EXOC4: variants seen among roughly 807,000 people sequenced by gnomAD.
EXOC4 encodes the protein SEC8-like 1.
A neutral mutation model predicts 107.2 loss-of-function variants in EXOC4; 71 were observed. The observed-to-expected ratio is 0.66, with a 90% CI of 0.55 to 0.81. The LOEUF (loss-of-function observed/expected upper bound fraction) is 0.81, where lower values mean the gene tolerates loss of function less well. EXOC4 is among the 30% of genes least tolerant of loss of function. EXOC4 has a pLI of 0.00. For synonymous variants in EXOC4, 456 were observed against 441.2 expected (o/e 1.03, Z -0.42); for missense variants, 1,108 against 1,189.6 (o/e 0.93, Z 1.01).
At chr7:133,518,648 A>C (rs1799925644) in intron 9 of EXOC4, among the ~76,000 whole-genome samples, 1 of 152,204 alleles carries the variant, frequency 6.6e-6, no homozygotes, top group Admixed American at 6.5e-5. Context: ...ATAGCATAGA[A>C]TGTTACTCAG....
At chr7:134,066,889 A>C (rs1050475194), downstream of EXOC4, among the ~76,000 whole-genome samples, 3 of 152,148 alleles carry the variant, frequency 2.0e-5, no homozygotes, top group African/African-American at 7.2e-5. Flanking sequence ...ATGGTGGCTC[A>C]CACCTGTAAT....
chr7:133,480,022 T>C, intron 8 of EXOC4, 28 bp from the exon 9 acceptor site: 1 of 1,594,946 alleles, frequency 6.3e-7, no homozygotes, highest in Non-Finnish European at 8.6e-7. Context: ...TACACCTGCT[T>C]GTCTGTTTCC....
At chr7:133,621,263 T>A (rs1802323198) in intron 9 of EXOC4, among the ~76,000 whole-genome samples, 1 of 152,188 alleles carries the variant, frequency 6.6e-6, no homozygotes, top group Non-Finnish European at 1.5e-5. Flanking sequence ...GAAAGGTACT[T>A]TTTTTCTCTT....
chr7:133,308,816 T>G (rs1794808764), intron 4 of EXOC4, among the ~76,000 whole-genome samples: 1 of 152,198 alleles, frequency 6.6e-6, no homozygotes, highest in Non-Finnish European at 1.5e-5. Flanking sequence ...GTGATAGAGA[T>G]AATTATTTGC....
chr7:133,405,160 G>T (rs1273952039), intron 7 of EXOC4, among the ~76,000 whole-genome samples: 4 of 152,054 alleles, frequency 2.6e-5, no homozygotes, highest in Non-Finnish European at 5.9e-5. Flanking sequence ...AAATGTTGAG[G>T]TTATGGAAAG....
At chr7:133,860,225 G>A (rs1304472670) in intron 11 of EXOC4, among the ~76,000 whole-genome samples, 1 of 152,190 alleles carries the variant, frequency 6.6e-6, no homozygotes, top group Non-Finnish European at 1.5e-5. Flanking sequence ...TTAACTGTGT[G>A]AATCTGAAAT....
intron 9 of EXOC4, among the ~76,000 whole-genome samples, chr7:133,493,093 G>A (rs763158083): frequency 6.6e-5 from 10 of 152,150 alleles, no homozygotes; most frequent in Non-Finnish European, 8.8e-5. Flanking sequence ...TAGGGCCATA[G>A]TGATGACGAA....
chr7:133,727,592 A>G (rs983729545), intron 10 of EXOC4: 8 of 160,700 alleles, frequency 5.0e-5, no homozygotes, highest in Admixed American at 4.4e-4. Context: ...CAGTGCAGCC[A>G]TCATAACCTC....
chr7:133,380,779 T>C (rs1796601480), intron 7 of EXOC4, among the ~76,000 whole-genome samples: 1 of 152,186 alleles, frequency 6.6e-6, no homozygotes, highest in African/African-American at 2.4e-5. Context: ...TCCACGTTAA[T>C]GCATACATGT....
rs1276460223 is a variant in EXOC4 at position 133,919,177 on chromosome 7, GTT to G, written c.2027+1440_2027+1441del. Among the ~76,000 whole-genome samples the G allele has an allele frequency of 1.3e-4, 20 of 152,192 alleles. No homozygotes were observed. The East Asian group carries it at 3.5e-3, about 26-fold the overall frequency. On this transcript the variant is annotated intron_variant, in intron 13 of 17. Coordinates refer to ENST00000253861, the MANE Select transcript of EXOC4 (RefSeq NM_021807.4). Reference sequence around the variant, plus strand: ...GTATCTGAAAGAAACTTGTTAGCTAGTTAATTATATAAGAAAACTGTCTCTCT... The same window carrying G: ...GTATCTGAAAGAAACTTGTTAGCTAGAATTATATAAGAAAACTGTCTCTCT...
At chr7:133,476,924 A>G (rs1003219940) in intron 8 of EXOC4, among the ~76,000 whole-genome samples, 1 of 152,182 alleles carries the variant, frequency 6.6e-6, no homozygotes, top group Admixed American at 6.5e-5. Flanking sequence ...AGGTGTATCC[A>G]TCAGTTCCAG....
chr7:134,013,155 G>A (rs1331805366), intron 17 of EXOC4, among the ~76,000 whole-genome samples: 2 of 152,200 alleles, frequency 1.3e-5, no homozygotes. Flanking sequence ...AGTATTTTTA[G>A]TGTGCTATAT....
chr7:134,009,108 A>G (rs1379570911), intron 17 of EXOC4, among the ~76,000 whole-genome samples: 1 of 152,232 alleles, frequency 6.6e-6, no homozygotes, highest in Non-Finnish European at 1.5e-5. Flanking sequence ...TGTTATCTTC[A>G]TGCTCTATTG....
At chr7:133,912,377 T>C (rs1799714617) in intron 12 of EXOC4, among the ~76,000 whole-genome samples, 1 of 152,228 alleles carries the variant, frequency 6.6e-6, no homozygotes, top group Non-Finnish European at 1.5e-5. Context: ...TCATTTGTTT[T>C]ATGAGTCAGG....
chr7:133,616,159 T>C (rs951561701), intron 9 of EXOC4, among the ~76,000 whole-genome samples: 2 of 152,200 alleles, frequency 1.3e-5, no homozygotes, highest in South Asian at 2.1e-4. Flanking sequence ...GATTTTATTA[T>C]GCATATATAA....
At chr7:133,583,924 T>C (rs557134543) in intron 9 of EXOC4, among the ~76,000 whole-genome samples, 1 of 152,296 alleles carries the variant, frequency 6.6e-6, no homozygotes, top group East Asian at 1.9e-4. Context: ...GTGATTGTGG[T>C]TGCTTTAGTT....
intron 17 of EXOC4, among the ~76,000 whole-genome samples, chr7:134,033,520 C>T (rs1795316062): frequency 1.3e-5 from 2 of 152,160 alleles, no homozygotes; most frequent in African/African-American, 4.8e-5. Context: ...CTCCCTCCCT[C>T]TAAGAACCTT....
intron 10 of EXOC4, among the ~76,000 whole-genome samples, chr7:133,634,651 G>A (rs1346758607): frequency 3.3e-5 from 5 of 152,000 alleles, no homozygotes; most frequent in Non-Finnish European, 7.4e-5. Flanking sequence ...CACCATGCCC[G>A]GCTAATATGT....
At chr7:134,080,297 A>G in the EXOC4 span, among the ~76,000 whole-genome samples, 1 of 152,236 alleles carries the variant, frequency 6.6e-6, no homozygotes, top group Non-Finnish European at 1.5e-5. Flanking sequence ...AAGGTTTTTA[A>G]AAGTTCAGCT....
Sources: gnomAD v4.1 joint callset for allele counts (sites outside exome capture counted in the v4.1 genomes callset) on GRCh38, gnomAD v4.1.1 for gene constraint, MANE v1.5 for transcripts, NCBI Gene and HGNC (gene_info 2026-07-23, HGNC 2026-07-21) for gene names.